The following ATXN7L1 variants were observed in gnomAD, a reference collection of about 807,000 sequenced individuals.
ATXN7L1 encodes ataxin-7-like protein 1.
ATXN7L1 carries 15 observed loss-of-function variants against 70.8 expected under a neutral mutation model. The ratio of observed to expected loss-of-function variants is 0.21; its 90% CI spans 0.14 to 0.33. The LOEUF (loss-of-function observed/expected upper bound fraction) is 0.33. Among genes scored for constraint, ATXN7L1 ranks in the 10% least tolerant of loss-of-function variants. The probability of loss-of-function intolerance (pLI) is 1.00; values close to 1 mark genes in which losing one functional copy is unlikely to be tolerated. For missense variants in ATXN7L1, 975 were observed against 1,097.1 expected (o/e 0.89, Z 1.57); for synonymous variants, 440 against 445.1 (o/e 0.99, Z 0.14).
At chr7:105,855,500 T>C (rs752525808) in intron 2 of ATXN7L1, among the ~76,000 whole-genome samples, 1 of 152,230 alleles carries the variant, frequency 6.6e-6, no homozygotes, top group Non-Finnish European at 1.5e-5. Context: ...TTCTGTGATA[T>C]CACATTGACA....
At chr7:105,740,456 G>A (rs12540104) in intron 3 of ATXN7L1, among the ~76,000 whole-genome samples, 1 of 152,312 alleles carries the variant, frequency 6.6e-6, no homozygotes, top group South Asian at 2.1e-4. Context: ...CTCAACACTA[G>A]AAATACATCA....
At chr7:105,727,777 T>TATATATATATATATATATAC (rs1462125950) in intron 3 of ATXN7L1, among the ~76,000 whole-genome samples, 49 of 90,156 alleles carry the variant, frequency 5.4e-4, no homozygotes, top group African/African-American at 1.5e-3. Context: ...TATATATATA[T>TATATATATATATATATATAC]ACACACACAT....
chr7:105,730,672 C>T (rs1194926226), intron 3 of ATXN7L1, among the ~76,000 whole-genome samples: 2 of 151,390 alleles, frequency 1.3e-5, no homozygotes, highest in African/African-American at 4.9e-5. Context: ...GCAGAGGTTG[C>T]AGTGAGCTGA....
chr7:105,689,493 C>T (rs1046163263), intron 3 of ATXN7L1, among the ~76,000 whole-genome samples: 4 of 152,208 alleles, frequency 2.6e-5, no homozygotes, highest in African/African-American at 9.6e-5. Context: ...GTTCTCTTCA[C>T]ATCTTTCCAT....
At chr7:105,846,558 C>T (rs1254569985) in intron 2 of ATXN7L1, among the ~76,000 whole-genome samples, 1 of 152,304 alleles carries the variant, frequency 6.6e-6, no homozygotes, top group South Asian at 2.1e-4. Flanking sequence ...AACAGTTTCA[C>T]AGTTCTTCAA....
chr7:105,733,183 C>G (rs1319365852), intron 3 of ATXN7L1, among the ~76,000 whole-genome samples: 2 of 152,170 alleles, frequency 1.3e-5, no homozygotes, highest in East Asian at 3.9e-4. Context: ...TAGATAGAAT[C>G]TAGTAGATAG....
intron 2 of ATXN7L1, among the ~76,000 whole-genome samples, chr7:105,808,408 G>A (rs530204060): frequency 1.3e-5 from 2 of 152,304 alleles, no homozygotes; most frequent in African/African-American, 4.8e-5. Flanking sequence ...TGTTTCCAGA[G>A]AGGCGGAAAA....
chr7:105,802,843 A>G (rs1191752596), intron 2 of ATXN7L1, among the ~76,000 whole-genome samples: 1 of 151,984 alleles, frequency 6.6e-6, no homozygotes, highest in East Asian at 1.9e-4. Context: ...GGGCTCACAC[A>G]GTTTTGTTTT....
intron 3 of ATXN7L1, among the ~76,000 whole-genome samples, chr7:105,716,177 T>C (rs1794521807): frequency 6.6e-6 from 1 of 152,086 alleles, no homozygotes; most frequent in African/African-American, 2.4e-5. Context: ...GGGATATTTT[T>C]CCAAAGATGA....
Position 105,614,527 on chromosome 7 carries a change from C to T in ATXN7L1, c.1807G>A (p.Ala603Thr), listed in dbSNP as rs960858633. ...IMDSTFKAPS[A>T]VSPIPAVIPS... is the part of the protein sequence containing the mutation. The stretch of plus-strand genomic sequence containing the variant: ...ATGACGGCTGGTATCGGGGACACGG[C>T]GGATGGGGCCTTGAAGGTTGAGTCC... Residue 603 changes from alanine (A) to threonine (T), a missense_variant, in exon 10 of 12, where the codon GCC (alanine) becomes ACC (threonine). Ala to Thr is a moderately conservative substitution (Grantham distance 58, BLOSUM62 0). Transcript: ENST00000419735. The surrounding 1 kb of genome is among the most constrained non-coding windows in gnomAD (Gnocchi z 4.3). 21 of 1,535,100 alleles carry T rather than the reference C, an allele frequency of 1.4e-5. No individual in the cohort carries two copies. Among genetic ancestry groups the T allele is most frequent in the African/African-American group, 6.9e-5 (5 of 72,710 alleles).
intron 3 of ATXN7L1, among the ~76,000 whole-genome samples, chr7:105,778,744 C>A (rs1803130154): frequency 6.6e-6 from 1 of 152,124 alleles, no homozygotes; most frequent in Non-Finnish European, 1.5e-5. Context: ...AAACAAGAAA[C>A]TACAGGTAGA....
At chr7:105,634,845 C>A (rs1402095619) in intron 7 of ATXN7L1, among the ~76,000 whole-genome samples, 1 of 151,138 alleles carries the variant, frequency 6.6e-6, no homozygotes, top group Non-Finnish European at 1.5e-5. Context: ...TTGGAGAGGC[C>A]AAGGCAAGAG....
intron 4 of ATXN7L1, among the ~76,000 whole-genome samples, chr7:105,661,743 C>A (rs112126597): frequency 1.3e-5 from 2 of 152,136 alleles, no homozygotes; most frequent in African/African-American, 4.8e-5. Context: ...TGTTCCTGGA[C>A]GTGTTGGGTA....
chr7:105,622,757 A>C (rs1418360452), intron 8 of ATXN7L1, among the ~76,000 whole-genome samples: 1 of 152,168 alleles, frequency 6.6e-6, no homozygotes, highest in African/African-American at 2.4e-5. Flanking sequence ...TGGGGTTTTC[A>C]TAGGAAGATT....
chr7:105,860,244 A>G (rs4730117), intron 2 of ATXN7L1, among the ~76,000 whole-genome samples: 46,656 of 149,908 alleles, frequency 0.31, 8,211 homozygotes, highest in East Asian at 0.72. Context: ...CTTTTTATAC[A>G]TGTGAAAAAT....
rs1351329368 is a variant in ATXN7L1 at position 105,605,042 on chromosome 7, C to T, written c.*2810G>A. 36 of 71,532 alleles carry T rather than the reference C, an allele frequency of 5.0e-4. No individual in the cohort carries two copies. The highest frequency in any genetic ancestry group is 1.3e-3 in the South Asian group (2 of 1,494). 4.4% of individuals were successfully genotyped at this position (71,532 alleles called of 1,614,324 possible). ...GAAGGCATACAAGTTATCCAAGTCGCTTTTTTTTTTTTTTTTTTTTTTTTA... is the reference window on the plus strand; with the variant it reads ...GAAGGCATACAAGTTATCCAAGTCGTTTTTTTTTTTTTTTTTTTTTTTTTA... On this transcript the variant is annotated 3_prime_UTR_variant, in exon 12 of 12. Transcript: ENST00000419735.
intron 2 of ATXN7L1, among the ~76,000 whole-genome samples, chr7:105,797,991 A>G (rs1004767606): frequency 6.6e-6 from 1 of 152,236 alleles, no homozygotes; most frequent in South Asian, 2.1e-4. Flanking sequence ...TTTATTTTCC[A>G]TACTCATTCA....
chr7:105,729,242 GCC>G (rs1796241278), intron 3 of ATXN7L1, among the ~76,000 whole-genome samples: 1 of 151,798 alleles, frequency 6.6e-6, no homozygotes, highest in South Asian at 2.1e-4. Flanking sequence ...CCACATTCCA[GCC>G]TGGGTGACAC....
chr7:105,791,625 T>G (rs1163293267), intron 2 of ATXN7L1, among the ~76,000 whole-genome samples: 1 of 152,186 alleles, frequency 6.6e-6, no homozygotes, highest in African/African-American at 2.4e-5. Flanking sequence ...AAGATACATT[T>G]GAAAAAATAC....
Sources: gnomAD v4.1 joint callset for allele counts (sites outside exome capture counted in the v4.1 genomes callset) on GRCh38, gnomAD v4.1.1 for gene constraint, Gnocchi (gnomAD v3.1) non-coding constraint, MANE v1.5 for transcripts, NCBI Gene and HGNC (gene_info 2026-07-23, HGNC 2026-07-21) for gene names.